HERC4: variants seen among roughly 807,000 people sequenced by gnomAD.
HERC4 encodes probable E3 ubiquitin-protein ligase HERC4.
HERC4 carries 28 observed loss-of-function variants against 124.3 expected under a neutral mutation model. That is an observed-to-expected ratio of 0.23 (90% CI 0.17 to 0.31). HERC4 has a LOEUF of 0.31. Ranked by LOEUF, HERC4 falls within the 10% of genes least tolerant of loss-of-function variation. HERC4 has a pLI of 1.00. For synonymous variants in HERC4, 407 were observed against 421.5 expected (o/e 0.97, Z 0.42); for missense variants, 713 against 1,229.3 (o/e 0.58, Z 6.28).
chr10:67,994,257 C>T (rs2132819597), intron 9 of HERC4: 1 of 152,224 alleles, frequency 6.6e-6, no homozygotes, highest in Non-Finnish European at 1.5e-5. Context: ...TATGGAATTG[C>T]TCATTTCCTC....
chr10:67,940,810 C>A, intron 20 of HERC4, 129 bp downstream of exon 20: 2 of 782,458 alleles, frequency 2.6e-6, no homozygotes, highest in Admixed American at 3.3e-5. Context: ...ATTAGAAGGG[C>A]ATTTGTTTAC....
At chr10:67,999,170 T>C (rs747249911) in intron 9 of HERC4, among the ~76,000 whole-genome samples, 45 of 152,218 alleles carry the variant, frequency 3.0e-4, no homozygotes, top group South Asian at 4.1e-4. Context: ...CAAGATTTCG[T>C]TTTTGTCTAT....
At chr10:67,942,497 C>A (rs1485149176) in intron 19 of HERC4, among the ~76,000 whole-genome samples, 1 of 151,930 alleles carries the variant, frequency 6.6e-6, no homozygotes, top group Non-Finnish European at 1.5e-5. Context: ...TTTCCTCTAC[C>A]CCCGTTCCAG....
chr10:68,005,675 T>C (rs2037500335), intron 9 of HERC4, among the ~76,000 whole-genome samples: 1 of 149,322 alleles, frequency 6.7e-6, no homozygotes, highest in Non-Finnish European at 1.5e-5. Flanking sequence ...TTAATTTCCT[T>C]TTTTTTTTTA....
At chr10:67,948,260 T>C (rs895441598) in intron 19 of HERC4, among the ~76,000 whole-genome samples, 11 of 152,048 alleles carry the variant, frequency 7.2e-5, no homozygotes, top group African/African-American at 2.7e-4. Flanking sequence ...CAGTGATAAA[T>C]GTATTAGAGA....
intron 9 of HERC4, among the ~76,000 whole-genome samples, chr10:68,002,368 T>C (rs913377268): frequency 2.0e-5 from 3 of 152,044 alleles, no homozygotes; most frequent in South Asian, 2.1e-4. Flanking sequence ...CTGAGGAAGT[T>C]TGGGATAGTA....
intron 3 of HERC4, among the ~76,000 whole-genome samples, chr10:68,057,754 TAG>T (rs2040624168): frequency 6.6e-6 from 1 of 151,938 alleles, no homozygotes; most frequent in Non-Finnish European, 1.5e-5. Flanking sequence ...TTGCCCAGGA[TAG>T]AGTGCAGTGG....
chr10:67,942,731 G>A (rs868270947), intron 19 of HERC4, among the ~76,000 whole-genome samples: 11 of 151,998 alleles, frequency 7.2e-5, no homozygotes, highest in Non-Finnish European at 2.9e-5. Context: ...GGCTGGTCTC[G>A]AACCCCTGAC....
intron 19 of HERC4, among the ~76,000 whole-genome samples, chr10:67,944,053 C>T (rs897506249): frequency 3.3e-5 from 5 of 152,356 alleles, no homozygotes; most frequent in Admixed American, 6.5e-5. Context: ...ACACAAGCTT[C>T]GCTGGCTTCA....
At chr10:68,013,957 T>C (rs772878393) in intron 9 of HERC4, 69 bp downstream of exon 9, 3 of 1,301,378 alleles carry the variant, frequency 2.3e-6, no homozygotes, top group South Asian at 1.6e-5. Context: ...GAAATCTTCA[T>C]GATTTAAGAG....
chr10:68,010,218 T>A, intron 9 of HERC4: 2 of 1,076,652 alleles, frequency 1.9e-6, no homozygotes, highest in Non-Finnish European at 2.7e-6. Context: ...TTTGAATGCA[T>A]GGGAGAGCCC....
intron 4 of HERC4, among the ~76,000 whole-genome samples, chr10:68,042,428 C>T (rs2039817700): frequency 6.6e-6 from 1 of 152,288 alleles, no homozygotes; most frequent in Middle Eastern, 3.4e-3. Context: ...AATTTAAGAC[C>T]AGCTGGGCAA....
intron 6 of HERC4, 26 bp downstream of exon 6, chr10:68,033,939 T>C: frequency 6.3e-7 from 1 of 1,588,152 alleles, no homozygotes; most frequent in Non-Finnish European, 8.6e-7. Context: ...AAAAGTACAC[T>C]TAAACTATAC....
chr10:68,047,601 T>C (rs774583547), intron 3 of HERC4, among the ~76,000 whole-genome samples: 1 of 152,094 alleles, frequency 6.6e-6, no homozygotes, highest in African/African-American at 2.4e-5. Flanking sequence ...GATAAACAAA[T>C]GGCAAGCAGG....
At chr10:68,047,651 C>T (rs1406170130) in intron 3 of HERC4, among the ~76,000 whole-genome samples, 1 of 152,120 alleles carries the variant, frequency 6.6e-6, no homozygotes, top group Non-Finnish European at 1.5e-5. Flanking sequence ...CAACTTATGT[C>T]CCATGGGAAT....
In HERC4 at chr10:67,932,790, A is replaced by AACAGATTAT; in HGVS notation, c.2655-11_2655-10insATAATCTGT. 6.3e-7 allele frequency: 1 copy of AACAGATTAT among 1,583,208 alleles called. No homozygotes were observed. The highest frequency in any genetic ancestry group is 8.5e-7 in the Non-Finnish European group (1 of 1,172,810). ...ATCGACAAACTCTTGCCTAGAAATG[A>AACAGATTAT]AAAAGCACACATGTACAGATTATAA... On this transcript the variant is annotated splice_polypyrimidine_tract_variant and intron_variant, in intron 22 of 24. Transcript: ENST00000373700.
At chr10:67,981,432 T>C (rs1039170100) in intron 15 of HERC4, among the ~76,000 whole-genome samples, 5 of 152,166 alleles carry the variant, frequency 3.3e-5, no homozygotes, top group African/African-American at 1.2e-4. Context: ...AGTACAGTAA[T>C]AGATGAAGCC....
intron 9 of HERC4, among the ~76,000 whole-genome samples, chr10:68,007,366 T>C (rs2037636411): frequency 6.6e-6 from 1 of 152,190 alleles, no homozygotes; most frequent in Admixed American, 6.5e-5. Context: ...GAACTTCCTC[T>C]GTTTATCTTC....
rs896689190 is a variant in HERC4, at chr10:67,922,175, CTTTTT to C, written c.*751_*755del. On this transcript the variant is annotated 3_prime_UTR_variant, in exon 25 of 25. Coordinates refer to ENST00000373700, the MANE Select transcript of HERC4 (RefSeq NM_015601.4). ...TTGGTGCTCATAGTAGCCAATGTTTCTTTTTATTACTGGCAACTGTGGAGACAGAG... is the reference window on the plus strand; with the variant it reads ...TTGGTGCTCATAGTAGCCAATGTTTCATTACTGGCAACTGTGGAGACAGAG... The C allele has an allele frequency of 2.0e-5, 3 of 152,112 alleles. No individual in the cohort carries two copies. Among genetic ancestry groups the C allele is most frequent in the African/African-American group, 7.2e-5 (3 of 41,436 alleles). 9.4% of individuals were successfully genotyped at this position (152,112 alleles called of 1,614,324 possible). A position where few individuals can be genotyped will look rare whatever the true frequency, so the allele number is the denominator to read the frequency against.
Sources: gnomAD v4.1 joint callset for allele counts (sites outside exome capture counted in the v4.1 genomes callset) on GRCh38, gnomAD v4.1.1 for gene constraint, MANE v1.5 for transcripts, NCBI Gene and HGNC (gene_info 2026-07-23, HGNC 2026-07-21) for gene names.